The following CAPN9 variants were observed in gnomAD, a reference collection of about 807,000 sequenced individuals.
CAPN9 encodes the protein calpain 9.
A neutral mutation model predicts 92.8 loss-of-function variants in CAPN9; 81 were observed. That is an observed-to-expected ratio of 0.87 (90% CI 0.73 to 1.05). The LOEUF is 1.05. CAPN9 is among the 50% of genes least tolerant of loss of function. The pLI is 0.00. For synonymous variants in CAPN9, 304 were observed against 328.0 expected (o/e 0.93, Z 0.79); for missense variants, 848 against 866.2 (o/e 0.98, Z 0.26).
intron 1 of CAPN9, chr1:230,752,756 G>C (rs1664928463): frequency 1.0e-6 from 1 of 957,932 alleles, no homozygotes; most frequent in African/African-American, 1.8e-5. Context: ...TGCTTGCCAG[G>C]GCTATCCCCT....
At chr1:230,751,875 G>A (rs1664868085) in intron 1 of CAPN9, among the ~76,000 whole-genome samples, 2 of 148,584 alleles carry the variant, frequency 1.3e-5, no homozygotes, top group African/African-American at 4.9e-5. Context: ...GGAGGGGGAG[G>A]GGGAGGGGTC....
chr1:230,798,406 T>A (rs534920728), intron 19 of CAPN9, among the ~76,000 whole-genome samples, 186 bp downstream of exon 19: 2 of 152,342 alleles, frequency 1.3e-5, no homozygotes, highest in East Asian at 3.9e-4. Context: ...GCCATTACAA[T>A]AATTCTGTGA....
intron 12 of CAPN9, chr1:230,786,274 C>A: frequency 2.2e-6 from 1 of 452,864 alleles, no homozygotes; most frequent in Non-Finnish European, 2.9e-6. Context: ...TTCCTCTGTG[C>A]TACTGTCAAC....
chr1:230,766,199 G>T (rs1381992800), intron 4 of CAPN9, among the ~76,000 whole-genome samples: 2 of 152,114 alleles, frequency 1.3e-5, no homozygotes, highest in Non-Finnish European at 2.9e-5. Context: ...GGGCTCAAGT[G>T]ATTCTCCTGC....
At chr1:230,801,320 C>T (rs1668713698) in intron 19 of CAPN9, among the ~76,000 whole-genome samples, 1 of 152,194 alleles carries the variant, frequency 6.6e-6, no homozygotes, top group Non-Finnish European at 1.5e-5. Context: ...TTTCCCGTCT[C>T]TGTCTTACCA....
chr1:230,799,520 G>C (rs1668548166), intron 19 of CAPN9, among the ~76,000 whole-genome samples: 1 of 152,180 alleles, frequency 6.6e-6, no homozygotes, highest in Non-Finnish European at 1.5e-5. Flanking sequence ...TTGGTACTTA[G>C]CTCACAGAAT....
intron 8 of CAPN9, among the ~76,000 whole-genome samples, chr1:230,778,477 A>G (rs1196183222): frequency 6.6e-6 from 1 of 152,110 alleles, no homozygotes; most frequent in African/African-American, 2.4e-5. Context: ...CCCTATACCT[A>G]TTTGATGTAC....
Position 230,795,110 on chromosome 1 carries a change from C to T in CAPN9, c.1871-53C>T, listed in dbSNP as rs1051076363. On this transcript the variant is annotated intron_variant, in intron 17 of 19. Transcript: ENST00000271971. Reference sequence around the variant, plus strand: ...GGGAGCTCCCTCAAAGGTGCAGACTCACCTCGGGGCTCGGATACAGCGAGT... The same window carrying T: ...GGGAGCTCCCTCAAAGGTGCAGACTTACCTCGGGGCTCGGATACAGCGAGT... 3 of 1,150,560 alleles carry T rather than the reference C, an allele frequency of 2.6e-6. No individual in the cohort carries two copies. The African/African-American group carries it at 4.5e-5, about 17-fold the overall frequency. 71.3% of individuals were successfully genotyped at this position (1,150,560 alleles called of 1,614,324 possible).
At chr1:230,751,616 A>G (rs1664810219) in intron 1 of CAPN9, among the ~76,000 whole-genome samples, 1 of 39,874 alleles carries the variant, frequency 2.5e-5, no homozygotes, top group African/African-American at 1.3e-4. Flanking sequence ...AAAGAGAAAG[A>G]AAGAAAGAAA....
intron 12 of CAPN9, 39 bp downstream of exon 12, chr1:230,786,056 G>C (rs767451784): frequency 6.2e-7 from 1 of 1,611,626 alleles, no homozygotes. Flanking sequence ...TGGGATTCAG[G>C]TGATGGTTCT....
intron 7 of CAPN9, among the ~76,000 whole-genome samples, chr1:230,774,040 A>C (rs1572048890): frequency 6.6e-6 from 1 of 152,344 alleles, no homozygotes; most frequent in Non-Finnish European, 1.5e-5. Context: ...CCTAGCTCAC[A>C]GAACCCCACC....
chr1:230,754,988 C>T (rs1375599526), intron 1 of CAPN9, among the ~76,000 whole-genome samples: 4 of 152,232 alleles, frequency 2.6e-5, no homozygotes, highest in African/African-American at 9.6e-5. Flanking sequence ...TGGGATAGCC[C>T]TGGACTCCTA....
In CAPN9 at chr1:230,762,518, G is replaced by C. The variant is rs560476198; in HGVS notation, c.403-135G>C. 4.0e-6 allele frequency: 4 copies of C among 990,250 alleles called. No homozygotes were observed. In the African/African-American group the frequency reaches 6.5e-5, roughly 16 times the overall value. The allele number at this position is 990,250 out of a possible 1,614,324, so 61.3% of individuals were successfully genotyped here. A position where few individuals can be genotyped will look rare whatever the true frequency, so the allele number is the denominator to read the frequency against. The stretch of plus-strand genomic sequence containing the variant: ...GCCCAGGTGCCCTACCTTGGAACCC[G>C]TGTGTGATTTTCAAAGCTGTCTATG... On this transcript the variant is annotated intron_variant, in intron 3 of 19. Coordinates refer to ENST00000271971, the MANE Select transcript of CAPN9 (RefSeq NM_006615.3).
chr1:230,777,494 C>T lies in CAPN9; in HGVS notation c.954-1479C>T, dbSNP rs527450285. 1.1e-3 allele frequency among the ~76,000 whole-genome samples: 167 copies of T among 152,180 alleles called. 5 individuals carry two copies. The South Asian group carries it at 0.033, about 30-fold the overall frequency. ...CTCTCCCCTTACGTATGAATTCCCCCCTTCTTCTGAATCATTCCCCTTAGC... is the reference window on the plus strand; with the variant it reads ...CTCTCCCCTTACGTATGAATTCCCCTCTTCTTCTGAATCATTCCCCTTAGC... On this transcript the variant is annotated intron_variant, in intron 8 of 19. Coordinates refer to ENST00000271971, the MANE Select transcript of CAPN9 (RefSeq NM_006615.3).
rs917783743 is a variant in CAPN9, at chr1:230,748,452, G to A, written c.213+743G>A. ...CCTGGGAGTGGCTCCTGTGGGGTCC[G>A]GTTGCTTTTGGGCAAGGAGGGGCAG... On this transcript the variant is annotated intron_variant, in intron 1 of 19. Coordinates refer to ENST00000271971, the MANE Select transcript of CAPN9 (RefSeq NM_006615.3). Among the ~76,000 whole-genome samples, 14 of 152,140 alleles carry A rather than the reference G, an allele frequency of 9.2e-5. No individual in the cohort carries two copies. In the East Asian group the frequency reaches 9.6e-4, roughly 10 times the overall value.
At chr1:230,790,249 C>A in intron 14 of CAPN9, 60 bp downstream of exon 14, 1 of 1,595,666 alleles carries the variant, frequency 6.3e-7, no homozygotes, top group Non-Finnish European at 8.5e-7. Context: ...GACCACACTG[C>A]CTGGGTCCCC....
At chr1:230,766,309 A>G (rs566472503) in intron 4 of CAPN9, among the ~76,000 whole-genome samples, 3 of 152,314 alleles carry the variant, frequency 2.0e-5, no homozygotes, top group South Asian at 4.1e-4. Context: ...TTATGGATGC[A>G]TAATAGTGCA....
intron 4 of CAPN9, among the ~76,000 whole-genome samples, chr1:230,763,898 T>C (rs1205018291): frequency 1.3e-5 from 2 of 152,236 alleles, no homozygotes; most frequent in Non-Finnish European, 1.5e-5. Flanking sequence ...AGGGCACTGT[T>C]TCCAAGTCCA....
intron 6 of CAPN9, among the ~76,000 whole-genome samples, chr1:230,770,750 C>G (rs28359653): frequency 6.6e-6 from 1 of 152,192 alleles, no homozygotes; most frequent in South Asian, 2.1e-4. Context: ...CAGCAGCCTG[C>G]CTTGCCCACT....
Sources: gnomAD v4.1 joint callset for allele counts (sites outside exome capture counted in the v4.1 genomes callset) on GRCh38, gnomAD v4.1.1 for gene constraint, MANE v1.5 for transcripts, NCBI Gene and HGNC (gene_info 2026-07-23, HGNC 2026-07-21) for gene names.